N4BP2: variants seen among roughly 807,000 people sequenced by gnomAD.
The protein encoded by N4BP2 is NEDD4-binding protein 2.
In N4BP2, 91 loss-of-function variants were observed where a neutral mutation model predicts 152.8. That is an observed-to-expected ratio of 0.60 (90% confidence interval 0.50 to 0.71). The LOEUF (loss-of-function observed/expected upper bound fraction) is 0.71, where lower values mean the gene tolerates loss of function less well. N4BP2 is among the 30% of genes least tolerant of loss of function. N4BP2 has a pLI of 0.00. For missense variants in N4BP2, 1,923 were observed against 2,059.1 expected (o/e 0.93, Z 1.28); for synonymous variants, 646 against 705.3 (o/e 0.92, Z 1.33).
the N4BP2 span, among the ~76,000 whole-genome samples, chr4:40,186,128 T>C: frequency 1.3e-5 from 2 of 152,144 alleles, no homozygotes; most frequent in African/African-American, 4.8e-5. Flanking sequence ...CAAAAGCCTC[T>C]GGAATCCCTT....
chr4:40,089,435 C>CTTTT (rs1281842286), intron 2 of N4BP2, among the ~76,000 whole-genome samples: 14 of 111,128 alleles, frequency 1.3e-4, no homozygotes, highest in East Asian at 1.1e-3. Context: ...TCAGTTTTGC[C>CTTTT]TTTTTTTTTT....
At chr4:40,171,702 G>A in the N4BP2 span, among the ~76,000 whole-genome samples, 2 of 152,138 alleles carry the variant, frequency 1.3e-5, no homozygotes, top group Admixed American at 1.3e-4. Context: ...TGATCACAAG[G>A]TGAGACCCCA....
rs531071619 is a variant in N4BP2 at position 40,134,145 on chromosome 4, G to T, written c.4646+2226G>T. Among the ~76,000 whole-genome samples, 112 of 152,184 alleles carry T rather than the reference G, an allele frequency of 7.4e-4. 3 individuals are homozygous for T. The highest frequency in any genetic ancestry group is 5.6e-4 in the Non-Finnish European group (38 of 68,026). The stretch of plus-strand genomic sequence containing the variant: ...TAAGAATATTTATTCTCTGCTGAGT[G>T]TGCAGAGTTCTAAATATGTCACCTA... On this transcript the variant is annotated intron_variant, in intron 13 of 17. Coordinates refer to ENST00000261435, the MANE Select transcript of N4BP2 (RefSeq NM_018177.6).
At chr4:40,177,661 C>CT in the N4BP2 span, among the ~76,000 whole-genome samples, 1 of 152,020 alleles carries the variant, frequency 6.6e-6, no homozygotes, top group Non-Finnish European at 1.5e-5. Context: ...ACTTCTACCT[C>CT]AACTAGAGCA....
chr4:40,163,514 G>C, the N4BP2 span, among the ~76,000 whole-genome samples: 1 of 152,232 alleles, frequency 6.6e-6, no homozygotes, highest in East Asian at 1.9e-4. Flanking sequence ...AATTCTGCTA[G>C]ATTGGTTCTG....
chr4:40,150,773 A>T (rs1721083962), intron 16 of N4BP2, among the ~76,000 whole-genome samples: 2 of 152,184 alleles, frequency 1.3e-5, no homozygotes. Flanking sequence ...GTTACTTAAG[A>T]AATATATCAA....
chr4:40,150,492 C>T (rs1721048656), intron 16 of N4BP2, among the ~76,000 whole-genome samples: 1 of 152,030 alleles, frequency 6.6e-6, no homozygotes, highest in Admixed American at 6.6e-5. Context: ...CATGGTGAAA[C>T]CACGTCTCCA....
chr4:40,150,150 G>A (rs1305760488), intron 16 of N4BP2, among the ~76,000 whole-genome samples: 1 of 152,174 alleles, frequency 6.6e-6, no homozygotes, highest in East Asian at 1.9e-4. Flanking sequence ...ATTAAGGAGT[G>A]TTAAAATCGG....
the N4BP2 span, among the ~76,000 whole-genome samples, chr4:40,175,757 C>G: frequency 1.5e-5 from 2 of 137,166 alleles, no homozygotes; most frequent in Non-Finnish European, 3.1e-5. Context: ...TTGCAGTGAG[C>G]CGAGATTGCG....
rs535745256 is a variant in N4BP2 at position 40,071,741 on chromosome 4, T to G, written c.-211-1714T>G. Among the ~76,000 whole-genome samples the G allele has an allele frequency of 1.2e-4, 18 of 152,068 alleles. No homozygotes were observed. In the East Asian group the frequency reaches 2.9e-3, roughly 25 times the overall value. ...GCCACCACGCCCAGCTAATTATGTA[T>G]TTTTAGTAGAGACGAAGTTTCGCCA... is the stretch of plus-strand genomic sequence containing the variant. On this transcript the variant is annotated intron_variant, in intron 1 of 17. Coordinates refer to ENST00000261435, the MANE Select transcript of N4BP2 (RefSeq NM_018177.6).
chr4:40,180,413 G>T, the N4BP2 span, among the ~76,000 whole-genome samples: 1 of 152,084 alleles, frequency 6.6e-6, no homozygotes. Context: ...CTAACATCTG[G>T]TGTTGTGATA....
chr4:40,065,122 G>T (rs1459996056), intron 1 of N4BP2, among the ~76,000 whole-genome samples: 3 of 152,136 alleles, frequency 2.0e-5, no homozygotes, highest in Non-Finnish European at 4.4e-5. Flanking sequence ...CTGTGAAATG[G>T]GCTACCTTGT....
chr4:40,110,695 G>A (rs550021267), intron 5 of N4BP2, among the ~76,000 whole-genome samples: 36 of 152,130 alleles, frequency 2.4e-4, no homozygotes, highest in African/African-American at 7.7e-4. Flanking sequence ...AAGCCACTAC[G>A]CCCGGCTAAT....
the N4BP2 span, among the ~76,000 whole-genome samples, chr4:40,179,770 T>G: frequency 6.7e-6 from 1 of 149,150 alleles, no homozygotes; most frequent in African/African-American, 2.5e-5. Flanking sequence ...TTTTTTTTTT[T>G]TTTTTTTTTT....
In N4BP2 at chr4:40,155,472, T is replaced by G. The variant is rs1721528707; in HGVS notation, c.*1235T>G. The G allele has an allele frequency of 6.6e-6, 1 of 152,208 alleles. No individual in the cohort carries two copies. Among genetic ancestry groups the G allele is most frequent in the Admixed American group, 6.5e-5 (1 of 15,284 alleles). The allele number at this position is 152,208 out of a possible 1,614,324, so 9.4% of individuals were successfully genotyped here. ...AAGAATCCTTACAATTTAAAATATT[T>G]TCACTTTTATTTTGAAAAAGAGCCA... On this transcript the variant is annotated 3_prime_UTR_variant, in exon 18 of 18. Transcript: ENST00000261435.
intron 3 of N4BP2, among the ~76,000 whole-genome samples, chr4:40,100,861 G>T (rs1282526905): frequency 6.6e-6 from 1 of 152,182 alleles, no homozygotes; most frequent in Non-Finnish European, 1.5e-5. Context: ...AGGATTCAGT[G>T]AGGTGATGTG....
At chr4:40,086,740 T>A (rs982692985) in intron 2 of N4BP2, among the ~76,000 whole-genome samples, 3 of 151,922 alleles carry the variant, frequency 2.0e-5, no homozygotes, top group African/African-American at 4.8e-5. Flanking sequence ...TATATAGATT[T>A]AAAAAAATTA....
chr4:40,115,706 A>G (rs1237840278), intron 7 of N4BP2, among the ~76,000 whole-genome samples: 7 of 152,200 alleles, frequency 4.6e-5, no homozygotes, highest in African/African-American at 1.7e-4. Flanking sequence ...ACTTAACTAC[A>G]GTAGGTCAGG....
chr4:40,144,818 A>G lies in N4BP2; in HGVS notation c.5143+18A>G. On this transcript the variant is annotated intron_variant, in intron 16 of 17. Coordinates refer to ENST00000261435, the MANE Select transcript of N4BP2 (RefSeq NM_018177.6). The stretch of plus-strand genomic sequence containing the variant: ...GACTGAAGGTAGGACTGTGGTAATC[A>G]CAAGTTTTCAATAGAATATATGTCT... 1 of 1,581,124 alleles carries G rather than the reference A, an allele frequency of 6.3e-7. No individual in the cohort carries two copies. Among genetic ancestry groups the G allele is most frequent in the Non-Finnish European group, 8.6e-7 (1 of 1,164,084 alleles).
Sources: allele counts gnomAD v4.1 joint callset (sites outside exome capture counted in the v4.1 genomes callset), GRCh38; gene constraint gnomAD v4.1.1; transcripts MANE v1.5; gene names NCBI Gene and HGNC (gene_info 2026-07-23, HGNC 2026-07-21).